ENKUR: variants seen among roughly 807,000 people sequenced by gnomAD.
The protein encoded by ENKUR is enkurin.
In ENKUR, 19 loss-of-function variants were observed where a neutral mutation model predicts 27.6. The ratio of observed to expected loss-of-function variants is 0.69; its 90% CI spans 0.48 to 1.01. The LOEUF (loss-of-function observed/expected upper bound fraction) is 1.01. ENKUR is among the 50% of genes least tolerant of loss of function. The pLI, the probability that ENKUR is intolerant of heterozygous loss-of-function variation, is 0.00. For missense variants in ENKUR, 312 were observed against 310.5 expected (o/e 1.00, Z -0.04); for synonymous variants, 117 against 96.9 (o/e 1.21, Z -1.22).
Position 24,984,697 on chromosome 10 carries a change from C to G in ENKUR, c.764+39G>C, listed in dbSNP as rs778896490. The G allele has an allele frequency of 4.6e-6, 7 of 1,529,440 alleles. No individual in the cohort carries two copies. In the Admixed American group the frequency reaches 8.9e-5, roughly 19 times the overall value. 94.7% of individuals were successfully genotyped at this position (1,529,440 alleles called of 1,614,324 possible). A position where few individuals can be genotyped will look rare whatever the true frequency, so the allele number is the denominator to read the frequency against. On this transcript the variant is annotated intron_variant, in intron 5 of 5. Coordinates refer to ENST00000331161, the MANE Select transcript of ENKUR (RefSeq NM_145010.4). ...TTTATATTTTCCATGTTTTTTTCCCCTACATTGAAATTGTTATACTTTAAA... is the reference window on the plus strand; with the variant it reads ...TTTATATTTTCCATGTTTTTTTCCCGTACATTGAAATTGTTATACTTTAAA...
chr10:25,045,755 G>T (rs1054283157), intron 2 of ENKUR, among the ~76,000 whole-genome samples: 18 of 152,128 alleles, frequency 1.2e-4, no homozygotes, highest in African/African-American at 4.3e-4. Flanking sequence ...TATGAAACAA[G>T]ATTATAAACT....
intron 4 of ENKUR, among the ~76,000 whole-genome samples, chr10:24,986,518 T>C (rs1233410267): frequency 6.6e-6 from 1 of 152,184 alleles, no homozygotes; most frequent in African/African-American, 2.4e-5. Context: ...CATTATGAAA[T>C]GTGAAAGAGG....
Position 24,999,459 on chromosome 10 carries a change from T to A in ENKUR, c.165A>T (p.Glu55Asp), listed in dbSNP as rs1850140297. 5 of 1,613,476 alleles carry A rather than the reference T, an allele frequency of 3.1e-6. No homozygotes were observed. Among genetic ancestry groups the A allele is most frequent in the Non-Finnish European group, 1.7e-6 (2 of 1,179,742 alleles). ...AMKTMGPAKVEVPSPKDFLKK... is the reference protein window; with the variant it reads ...AMKTMGPAKVDVPSPKDFLKK... ...TTAGGAAATCCTTTGGAGAAGGTACTTCAACTTTTGCTGGTCCCATAGTTT... is the reference window on the plus strand; with the variant it reads ...TTAGGAAATCCTTTGGAGAAGGTACATCAACTTTTGCTGGTCCCATAGTTT... The change falls in exon 2 of 6, where the codon GAA (glutamate) becomes GAT (aspartate). Residue 55 changes from glutamate (E) to aspartate (D), a missense_variant. Physicochemically the swap from Glu to Asp is conservative, Grantham distance 45. Coordinates refer to ENST00000331161, the MANE Select transcript of ENKUR (RefSeq NM_145010.4).
chr10:25,060,883 G>GA (rs1554774858), intron 2 of ENKUR, among the ~76,000 whole-genome samples: 8 of 144,846 alleles, frequency 5.5e-5, no homozygotes, highest in Admixed American at 4.2e-4. Context: ...AATTTAAAAA[G>GA]TTTTTTTTTT....
intron 2 of ENKUR, among the ~76,000 whole-genome samples, chr10:25,031,693 T>C (rs1850936555): frequency 6.6e-6 from 1 of 152,150 alleles, no homozygotes; most frequent in Non-Finnish European, 1.5e-5. Context: ...TTATTTCTCC[T>C]TGTTAACTTT....
chr10:25,015,974 CT>C lies in ENKUR; in HGVS notation c.-39del. On this transcript the variant is annotated 5_prime_UTR_variant, in exon 1 of 6. Transcript: ENST00000331161. ...ACTCCTTAAAAGCTACTCTCCACAA[CT>C]TTTTTCTCCCTGTCCCAGTATCTCC... 6.3e-7 allele frequency: 1 copy of C among 1,587,510 alleles called. No individual in the cohort carries two copies. The highest frequency in any genetic ancestry group is 1.8e-5 in the Admixed American group (1 of 55,298).
chr10:25,024,647 G>A (rs1850804810), intron 2 of ENKUR: 5 of 1,614,196 alleles, frequency 3.1e-6, no homozygotes, highest in Middle Eastern at 1.6e-4. Flanking sequence ...AACTGGGGCC[G>A]ACTACTTCCG....
rs1850982124 is a variant in ENKUR, at chr10:25,034,656, G to T, written c.37+26456C>A. 3.3e-5 allele frequency among the ~76,000 whole-genome samples: 5 copies of T among 152,048 alleles called. No individual in the cohort carries two copies. In the South Asian group the frequency reaches 1.0e-3, roughly 31 times the overall value. ...GTTAAACAACTGCCAAGTCAACATG[G>T]GTCATTACCAGAAAATAACACCATT... On this transcript the variant is annotated intron_variant, in intron 2 of 5. Coordinates refer to the ENKUR transcript ENST00000615958.
At chr10:25,053,479 A>G (rs946535467) in intron 2 of ENKUR, among the ~76,000 whole-genome samples, 2 of 151,838 alleles carry the variant, frequency 1.3e-5, no homozygotes, top group African/African-American at 4.8e-5. Flanking sequence ...TCATTATTCT[A>G]CTCTGCTCCT....
intron 2 of ENKUR, among the ~76,000 whole-genome samples, chr10:25,050,204 C>A (rs1345286812): frequency 6.6e-6 from 1 of 152,168 alleles, no homozygotes; most frequent in Non-Finnish European, 1.5e-5. Flanking sequence ...CACCTCCCAC[C>A]ACTGGGGATC....
At chr10:25,039,983 G>C (rs1851044720) in intron 2 of ENKUR, among the ~76,000 whole-genome samples, 1 of 143,200 alleles carries the variant, frequency 7.0e-6, no homozygotes, top group Admixed American at 7.0e-5. Flanking sequence ...TCTGGGCCTT[G>C]GTGCTGGCTG....
At position 25,027,356 on chromosome 10, in the gene ENKUR, T is replaced by TAAAAAA. The variant is rs1564352066; in HGVS notation, c.38-31488_38-31487insTTTTTT. ...TGGGTGACAGAGCAAGACTCCCGTC[T>TAAAAAA]CAAAAAAAAAAAAAAAAAAAAAAAA... On this transcript the variant is annotated intron_variant, in intron 2 of 5. Transcript: ENST00000615958. 6.4e-3 allele frequency among the ~76,000 whole-genome samples: 294 copies of TAAAAAA among 45,728 alleles called. 34 individuals are homozygous for TAAAAAA. The highest frequency in any genetic ancestry group is 0.03 in the Middle Eastern group (2 of 66). The allele number at this position is 45,728 out of a possible 152,430, so 30.0% of individuals were successfully genotyped here. A position where few individuals can be genotyped will look rare whatever the true frequency, so the allele number is the denominator to read the frequency against.
intron 2 of ENKUR, among the ~76,000 whole-genome samples, chr10:25,028,580 A>G (rs535651494): frequency 6.6e-6 from 1 of 152,186 alleles, no homozygotes; most frequent in Non-Finnish European, 1.5e-5. Flanking sequence ...GTACTTTAGC[A>G]TAAGAACAAA....
At chr10:25,048,185 G>C (rs1851141757) in intron 2 of ENKUR, among the ~76,000 whole-genome samples, 1 of 152,166 alleles carries the variant, frequency 6.6e-6, no homozygotes, top group Non-Finnish European at 1.5e-5. Flanking sequence ...TGGGGTGGAA[G>C]TAAGCCAAGG....
Position 24,984,268 on chromosome 10 carries a change from C to T in ENKUR, c.*102G>A. 8 of 1,307,974 alleles carry T rather than the reference C, an allele frequency of 6.1e-6. No individual in the cohort carries two copies. Among genetic ancestry groups the T allele is most frequent in the Non-Finnish European group, 8.4e-6 (8 of 948,232 alleles). The allele number at this position is 1,307,974 out of a possible 1,614,324, so 81.0% of individuals were successfully genotyped here. A position where few individuals can be genotyped will look rare whatever the true frequency, so the allele number is the denominator to read the frequency against. ...AAATACATCTTTTGCATTTGTGGAG[C>T]TCAGAAACAATGTGTTGGAGACAGT... On this transcript the variant is annotated 3_prime_UTR_variant, in exon 6 of 6. Transcript: ENST00000331161.
upstream of ENKUR, among the ~76,000 whole-genome samples, chr10:25,018,662 T>TTG (rs1466756816): frequency 8.1e-3 from 1,049 of 129,722 alleles, 25 homozygotes; most frequent in South Asian, 0.016. Context: ...GAGAGTTGTT[T>TTG]TTTTTTTTTT....
intron 1 of ENKUR, among the ~76,000 whole-genome samples, chr10:25,008,194 G>C (rs537271713): frequency 6.6e-6 from 1 of 151,950 alleles, no homozygotes; most frequent in Non-Finnish European, 1.5e-5. Context: ...ATAATACTAA[G>C]AGACCATATA....
chr10:24,996,436 ATG>A (rs150948274), intron 2 of ENKUR, among the ~76,000 whole-genome samples: 273 of 148,586 alleles, frequency 1.8e-3, no homozygotes, highest in South Asian at 7.8e-3. Context: ...AAGATCATAT[ATG>A]TGTGTGTGTG....
At position 25,036,375 on chromosome 10, in the gene ENKUR, C is replaced by G. The variant is rs7099143; in HGVS notation, c.37+24737G>C. 7.2e-5 allele frequency among the ~76,000 whole-genome samples: 11 copies of G among 152,292 alleles called. No homozygotes were observed. The East Asian group carries it at 1.9e-3, about 27-fold the overall frequency. ...CAGAATTATGAGGCTTCCCAAGCCA[C>G]GTGGAACTGTGAGTCCATTAAACCT... On this transcript the variant is annotated intron_variant, in intron 2 of 5. Transcript: ENST00000615958.
Sources: gnomAD v4.1 joint callset for allele counts (sites outside exome capture counted in the v4.1 genomes callset) on GRCh38, gnomAD v4.1.1 for gene constraint, MANE v1.5 for transcripts, NCBI Gene and HGNC (gene_info 2026-07-23, HGNC 2026-07-21) for gene names.